TCOF1: variants seen among roughly 807,000 people sequenced by gnomAD.
TCOF1 encodes treacle protein.
A neutral mutation model predicts 149.0 loss-of-function variants in TCOF1; 33 were observed. The observed-to-expected ratio is 0.22, with a 90% CI of 0.17 to 0.30. The LOEUF (loss-of-function observed/expected upper bound fraction) is 0.30. TCOF1 is among the 10% of genes least tolerant of loss of function. The pLI, the probability that TCOF1 is intolerant of heterozygous loss-of-function variation, is 1.00. For synonymous variants in TCOF1, 789 were observed against 738.8 expected (o/e 1.07, Z -1.10); for missense variants, 1,728 against 1,840.7 (o/e 0.94, Z 1.12).
Position 150,375,103 on chromosome 5 carries a change from A to AAGC in TCOF1, c.1435_1437dup (p.Ser479dup). ...TGGGGAAGCAGGAGGAGGACTCAAG[A>AAGC]AGCAGCAGCGAGGAGTCAGACAGTG... On this transcript the variant is annotated inframe_insertion, in exon 10 of 27. Coordinates refer to ENST00000643257, the MANE Select transcript of TCOF1 (RefSeq NM_001371623.1). 1 of 1,609,320 alleles carries AAGC rather than the reference A, an allele frequency of 6.2e-7. No homozygotes were observed. Among genetic ancestry groups the AAGC allele is most frequent in the Non-Finnish European group, 8.5e-7 (1 of 1,178,394 alleles).
chr5:150,373,390 A>C, intron 7 of TCOF1, among the ~76,000 whole-genome samples: 1 of 152,208 alleles, frequency 6.6e-6, no homozygotes, highest in Non-Finnish European at 1.5e-5. Flanking sequence ...TTGGCTCAAA[A>C]ATTTAAAAAG....
chr5:150,395,139 A>G (rs1768196566), intron 23 of TCOF1, among the ~76,000 whole-genome samples: 1 of 152,192 alleles, frequency 6.6e-6, no homozygotes, highest in African/African-American at 2.4e-5. Context: ...GCAGCTCTAG[A>G]GCCAAAAGTC....
chr5:150,379,900 C>T (rs903547062), intron 17 of TCOF1, 168 bp downstream of exon 17: 8 of 769,728 alleles, frequency 1.0e-5, no homozygotes, highest in Admixed American at 4.3e-5. Flanking sequence ...GGTGAAACCC[C>T]GTCTCTACTA....
At chr5:150,392,988 A>T in intron 22 of TCOF1, 198 bp downstream of exon 22, 1 of 660,494 alleles carries the variant, frequency 1.5e-6, no homozygotes, top group Non-Finnish European at 2.7e-6. Flanking sequence ...CCCCTCATAG[A>T]GCCCTGAGTA....
chr5:150,364,306 T>C (rs1760818421), intron 3 of TCOF1, 54 bp downstream of exon 3: 1 of 1,611,374 alleles, frequency 6.2e-7, no homozygotes, highest in South Asian at 1.1e-5. Context: ...TGTTCTAGGG[T>C]AGAGTCTACC....
intron 21 of TCOF1, 170 bp downstream of exon 21, chr5:150,392,346 A>G: frequency 2.9e-6 from 2 of 695,964 alleles, no homozygotes; most frequent in Non-Finnish European, 4.7e-6. Flanking sequence ...GTCAATCCAA[A>G]TGATTTCAGA....
intron 24 of TCOF1, 128 bp from the exon 25 acceptor site, chr5:150,398,226 T>G: frequency 6.4e-7 from 1 of 1,567,554 alleles, no homozygotes; most frequent in Non-Finnish European, 8.6e-7. Context: ...CCCGCCCTGC[T>G]GGCCTGTTGT....
chr5:150,397,464 G>A (rs927796626), intron 24 of TCOF1, among the ~76,000 whole-genome samples: 1 of 152,126 alleles, frequency 6.6e-6, no homozygotes, highest in African/African-American at 2.4e-5. Flanking sequence ...ACTGAGTGCT[G>A]TTCTAGACTC....
intron 3 of TCOF1, among the ~76,000 whole-genome samples, chr5:150,366,570 G>C (rs1031437108): frequency 6.6e-6 from 1 of 151,044 alleles, no homozygotes; most frequent in Non-Finnish European, 1.5e-5. Context: ...CATAATTACA[G>C]AAAGAGAGAG....
chr5:150,387,588 C>T (rs1342950976), intron 17 of TCOF1, among the ~76,000 whole-genome samples: 3 of 152,232 alleles, frequency 2.0e-5, no homozygotes, highest in Non-Finnish European at 4.4e-5. Context: ...CCAGTAGGGA[C>T]AGCAGCCTTG....
intron 1 of TCOF1, among the ~76,000 whole-genome samples, chr5:150,359,714 A>G (rs777812862): frequency 6.6e-6 from 1 of 152,200 alleles, no homozygotes; most frequent in Non-Finnish European, 1.5e-5. Flanking sequence ...ACCCATCTTC[A>G]TTGGAGCAAA....
At chr5:150,390,142 C>A in intron 19 of TCOF1, 119 bp downstream of exon 19, 1 of 1,479,446 alleles carries the variant, frequency 6.8e-7, no homozygotes, top group South Asian at 1.3e-5. Context: ...CTCCAGAGGT[C>A]GTGGCCTCAC....
chr5:150,379,768 A>C, intron 17 of TCOF1, 36 bp downstream of exon 17: 15 of 1,604,068 alleles, frequency 9.4e-6, no homozygotes, highest in Non-Finnish European at 1.2e-5. Context: ...ACCAACACTC[A>C]CTCCTCAGAA....
intron 14 of TCOF1, 120 bp from the exon 15 acceptor site, chr5:150,378,785 G>A (rs1562376743): frequency 1.6e-5 from 22 of 1,414,838 alleles, no homozygotes; most frequent in Admixed American, 1.4e-4. Context: ...AGGTTCACAC[G>A]CCTATTGCAT....
Position 150,393,469 on chromosome 5 carries a change from C to G in TCOF1, c.3701C>G (p.Ser1234Cys). 6.2e-7 allele frequency: 1 copy of G among 1,614,228 alleles called. No individual in the cohort carries two copies. Among genetic ancestry groups the G allele is most frequent in the Non-Finnish European group, 8.5e-7 (1 of 1,180,044 alleles). The change falls in exon 23 of 27, where the codon TCT becomes TGT. Residue 1234 changes from serine (S) to cysteine (C), a missense_variant. Coordinates refer to ENST00000643257, the MANE Select transcript of TCOF1 (RefSeq NM_001371623.1). ...CTAGACTCCAGCCCCTCAGTTTCCT[C>G]TACTCTGGCCGCCAAAGATGACCCA... ...PKLDSSPSVSSTLAAKDDPDG... is the reference protein window; with the variant it reads ...PKLDSSPSVSCTLAAKDDPDG...
Position 150,376,073 on chromosome 5 carries a change from TC to T in TCOF1, c.1894-5del, listed in dbSNP as rs1268704054. On this transcript the variant is annotated splice_polypyrimidine_tract_variant and splice_region_variant and intron_variant, in intron 12 of 26. Transcript: ENST00000643257. ...AACCTTCTCCAGCCTTTCTTTGGTG[TC>T]CCCTCAGGCAAAACCAGCTCTGAAA... 6.2e-7 allele frequency: 1 copy of T among 1,613,718 alleles called. No homozygotes were observed. The highest frequency in any genetic ancestry group is 8.5e-7 in the Non-Finnish European group (1 of 1,179,760).
At chr5:150,383,555 C>T (rs1431245053) in intron 17 of TCOF1, among the ~76,000 whole-genome samples, 1 of 152,228 alleles carries the variant, frequency 6.6e-6, no homozygotes, top group Non-Finnish European at 1.5e-5. Context: ...GCCACAGTCC[C>T]CTGCCTAAGA....
intron 1 of TCOF1, 85 bp from the exon 2 acceptor site, chr5:150,361,070 AG>A (rs1480264384): frequency 4.5e-6 from 7 of 1,565,626 alleles, no homozygotes; most frequent in Non-Finnish European, 6.2e-6. Context: ...TGTCTATACA[AG>A]TCATGAGTTT....
chr5:150,383,887 T>C (rs901337918), intron 17 of TCOF1: 64 of 1,540,610 alleles, frequency 4.2e-5, no homozygotes, highest in East Asian at 3.7e-4. Flanking sequence ...GCCCACCTTA[T>C]CTTCCTGTAC....
Sources: gnomAD v4.1 joint callset for allele counts (sites outside exome capture counted in the v4.1 genomes callset) on GRCh38, gnomAD v4.1.1 for gene constraint, MANE v1.5 for transcripts, NCBI Gene and HGNC (gene_info 2026-07-23, HGNC 2026-07-21) for gene names.